The following WDR49 variants were observed in gnomAD, a reference collection of about 807,000 sequenced individuals.
WDR49 encodes the protein WD repeat domain 49.
In WDR49, 107 loss-of-function variants were observed where a neutral mutation model predicts 119.5. That is an observed-to-expected ratio of 0.90 (90% confidence interval 0.77 to 1.05). WDR49 has a LOEUF of 1.05. Among genes scored for constraint, WDR49 ranks in the 50% least tolerant of loss-of-function variants. WDR49 has a pLI of 0.00. For missense variants in WDR49, 1,240 were observed against 1,220.5 expected, an observed-to-expected ratio of 1.02 and a Z score of -0.24; for synonymous variants, 425 against 418.8, an observed-to-expected ratio of 1.01 and a Z score of -0.18.
At chr3:167,558,781 C>T (rs1334467135) in intron 9 of WDR49, among the ~76,000 whole-genome samples, 1 of 152,126 alleles carries the variant, frequency 6.6e-6, no homozygotes, top group Admixed American at 6.6e-5. Context: ...ATTCTATACC[C>T]AGTTACTTTC....
At chr3:167,582,305 T>C (rs1009657122) in intron 7 of WDR49, among the ~76,000 whole-genome samples, 1 of 152,154 alleles carries the variant, frequency 6.6e-6, no homozygotes, top group African/African-American at 2.4e-5. Context: ...TGATGTATGC[T>C]AGCAGAACTA....
intron 10 of WDR49, among the ~76,000 whole-genome samples, chr3:167,540,672 C>G (rs1464426549): frequency 6.6e-6 from 1 of 152,082 alleles, no homozygotes; most frequent in East Asian, 1.9e-4. Context: ...ACCACACTGG[C>G]TCCCCAGCAA....
intron 8 of WDR49, among the ~76,000 whole-genome samples, chr3:167,565,465 T>C (rs1276112159): frequency 6.6e-6 from 1 of 151,952 alleles, no homozygotes; most frequent in Non-Finnish European, 1.5e-5. Flanking sequence ...TGTGTATATA[T>C]ATATATGATG....
At chr3:167,601,994 CA>C in intron 7 of WDR49, 132 bp downstream of exon 7, 1 of 1,190,144 alleles carries the variant, frequency 8.4e-7, no homozygotes, top group Non-Finnish European at 1.1e-6. Context: ...TATAGACTTC[CA>C]AAAACATAAG....
In WDR49 at chr3:167,627,260, G is replaced by A. The variant is rs1275658969; in HGVS notation, c.198C>T (p.Ser66=). Residue 66 remains serine, a synonymous_variant, in exon 3 of 19, where the codon TCC becomes TCT. Transcript: ENST00000682715. ...TCATCTTCTGCGTGAAGTCTTCTCT[G>A]GACATACAAATGATTTTCCTTGGCT... ...SPQPRKIICM[S]REDFTQKMTE... 7 of 1,238,256 alleles carry A rather than the reference G, an allele frequency of 5.7e-6. No individual in the cohort carries two copies. In the African/African-American group the frequency reaches 1.1e-4, roughly 19 times the overall value. 76.7% of individuals were successfully genotyped at this position (1,238,256 alleles called of 1,614,324 possible). A position where few individuals can be genotyped will look rare whatever the true frequency, so the allele number is the denominator to read the frequency against.
chr3:167,492,510 T>C (rs1292321893), intron 18 of WDR49, among the ~76,000 whole-genome samples: 2 of 152,094 alleles, frequency 1.3e-5, no homozygotes, highest in African/African-American at 2.4e-5. Context: ...TAGAACTCTT[T>C]AGTGGAATAA....
intron 5 of WDR49, among the ~76,000 whole-genome samples, chr3:167,611,647 TC>T (rs1206418217): frequency 6.6e-6 from 1 of 151,922 alleles, no homozygotes; most frequent in Non-Finnish European, 1.5e-5. Context: ...GAAAAAGATA[TC>T]CCACGCCAAT....
At position 167,560,014 on chromosome 3, in the gene WDR49, G is replaced by C. The variant is rs549917345; in HGVS notation, c.1674+50C>G. 3.8e-5 allele frequency: 61 copies of C among 1,589,058 alleles called. No homozygotes were observed. The South Asian group carries it at 6.4e-4, about 17-fold the overall frequency. On this transcript the variant is annotated intron_variant, in intron 9 of 18. Transcript: ENST00000682715. ...ATCTATAGCCATGTCTTCTGGCATA[G>C]TATTTTAGTCTCCTCATATCTGGAT...
chr3:167,654,970 A>G (rs1004851075), upstream of WDR49, among the ~76,000 whole-genome samples: 1 of 152,102 alleles, frequency 6.6e-6, no homozygotes, highest in Non-Finnish European at 1.5e-5. Context: ...AAGAGAACAG[A>G]ATGGCTCCCA....
At chr3:167,520,200 T>A (rs1349923927) in intron 16 of WDR49, among the ~76,000 whole-genome samples, 2 of 151,198 alleles carry the variant, frequency 1.3e-5, no homozygotes, top group Non-Finnish European at 2.9e-5. Context: ...TGAGCTGTGG[T>A]CGCACCACTG....
At chr3:167,498,826 A>G (rs2108207256) in intron 18 of WDR49, among the ~76,000 whole-genome samples, 1 of 152,240 alleles carries the variant, frequency 6.6e-6, no homozygotes, top group South Asian at 2.1e-4. Flanking sequence ...CCTCAGTCAG[A>G]TAAGGGAATT....
At chr3:167,512,653 A>C (rs935500152) in intron 16 of WDR49, among the ~76,000 whole-genome samples, 7 of 152,236 alleles carry the variant, frequency 4.6e-5, no homozygotes, top group Non-Finnish European at 8.8e-5. Flanking sequence ...GGTGGGTAAT[A>C]AACTTCACTG....
chr3:167,501,256 C>T (rs1319176832), intron 17 of WDR49, among the ~76,000 whole-genome samples: 6 of 152,120 alleles, frequency 3.9e-5, no homozygotes, highest in Admixed American at 3.9e-4. Flanking sequence ...AGGTATCGTG[C>T]CATTAAGACA....
intron 7 of WDR49, among the ~76,000 whole-genome samples, chr3:167,587,657 G>A (rs1049295142): frequency 2.0e-5 from 3 of 151,984 alleles, no homozygotes; most frequent in African/African-American, 7.2e-5. Flanking sequence ...ACTAATTTTT[G>A]TATTTTTTGT....
chr3:167,560,267 C>T, intron 8 of WDR49, 39 bp from the exon 9 acceptor site: 1 of 1,572,806 alleles, frequency 6.4e-7, no homozygotes, highest in South Asian at 1.2e-5. Flanking sequence ...TAAATATAGT[C>T]TCAGAATCAA....
intron 8 of WDR49, among the ~76,000 whole-genome samples, chr3:167,564,653 A>G (rs962708368): frequency 3.3e-5 from 5 of 152,110 alleles, no homozygotes; most frequent in African/African-American, 1.2e-4. Flanking sequence ...TAACAACCAC[A>G]CTCCAGGACA....
intron 2 of WDR49, among the ~76,000 whole-genome samples, chr3:167,628,988 TG>T (rs1717249472): frequency 6.6e-6 from 1 of 152,116 alleles, no homozygotes; most frequent in African/African-American, 2.4e-5. Context: ...CTGGGCACAG[TG>T]GCTCATGCCT....
chr3:167,563,353 C>CAAAAAAAA (rs61247447), intron 8 of WDR49, among the ~76,000 whole-genome samples: 7 of 55,882 alleles, frequency 1.3e-4, no homozygotes, highest in Non-Finnish European at 2.1e-4. Flanking sequence ...GATTCTGAAT[C>CAAAAAAAA]AAAAAAAAAA....
chr3:167,612,429 G>C (rs1261477811), intron 5 of WDR49, among the ~76,000 whole-genome samples: 2 of 149,290 alleles, frequency 1.3e-5, no homozygotes, highest in African/African-American at 2.4e-5. Context: ...AACTAGAAAA[G>C]CAAGAATAAA....
Sources: allele counts gnomAD v4.1 joint callset (sites outside exome capture counted in the v4.1 genomes callset), GRCh38; gene constraint gnomAD v4.1.1; transcripts MANE v1.5; gene names NCBI Gene and HGNC (gene_info 2026-07-23, HGNC 2026-07-21).